HS6ST2: variants seen among roughly 807,000 people sequenced by gnomAD.
The protein encoded by HS6ST2 is heparan sulfate 6-O-sulfotransferase 2.
In HS6ST2, 17 loss-of-function variants were observed where a neutral mutation model predicts 33.0. That is an observed-to-expected ratio of 0.52 (90% CI 0.35 to 0.77). HS6ST2 has a LOEUF of 0.77. Ranked by LOEUF, HS6ST2 falls within the 30% of genes least tolerant of loss-of-function variation. The pLI is 0.01. For synonymous variants in HS6ST2, 248 were observed against 237.1 expected, an observed-to-expected ratio of 1.05 and a Z score of -0.42; for missense variants, 519 against 551.7, an observed-to-expected ratio of 0.94 and a Z score of 0.59.
At chrX:132,929,167 T>C (rs766747099) in intron 2 of HS6ST2, among the ~76,000 whole-genome samples, 2 of 111,277 alleles carry the variant, frequency 1.8e-5, no homozygotes, top group Non-Finnish European at 3.8e-5. Flanking sequence ...ATGATCTTAT[T>C]GAGCTAAAAT....
At chrX:132,896,771 C>T (rs893759491) in intron 2 of HS6ST2, among the ~76,000 whole-genome samples, 1 of 111,536 alleles carries the variant, frequency 9.0e-6, no homozygotes, top group Admixed American at 9.5e-5. Flanking sequence ...AAGAGAAGGG[C>T]AATGTTAAAA....
At chrX:132,651,050 AGC>A (rs1473589074) in intron 4 of HS6ST2, among the ~76,000 whole-genome samples, 1 of 111,733 alleles carries the variant, frequency 8.9e-6, no homozygotes, top group Non-Finnish European at 1.9e-5. Flanking sequence ...TTCAGGCGTG[AGC>A]CACCATGCCC....
At chrX:132,668,772 T>A (rs892209884) in intron 4 of HS6ST2, among the ~76,000 whole-genome samples, 4 of 111,576 alleles carry the variant, frequency 3.6e-5, no homozygotes, top group African/African-American at 1.3e-4. Flanking sequence ...AAATCAGTGC[T>A]GCTGCTGCTG....
At position 132,660,186 on chromosome X, in the gene HS6ST2, C is replaced by G. The variant is rs1422316477; in HGVS notation, c.1067+8927G>C. ...GACAGGGAATTTTGCCTGTTTTGTT[C>G]TCTGCTGTATCCCCAGAGCCTAGAG... is the stretch of plus-strand genomic sequence containing the variant. On this transcript the variant is annotated intron_variant, in intron 4 of 4. Coordinates refer to ENST00000370833, the MANE Select transcript of HS6ST2 (RefSeq NM_001394073.1). Among the ~76,000 whole-genome samples, 4 of 111,755 alleles carry G rather than the reference C, an allele frequency of 3.6e-5. No homozygotes were observed. The Admixed American group carries it at 3.8e-4, about 11-fold the overall frequency.
At chrX:132,823,654 G>A (rs897007507) in intron 2 of HS6ST2, among the ~76,000 whole-genome samples, 7 of 99,752 alleles carry the variant, frequency 7.0e-5, no homozygotes, top group East Asian at 3.2e-4. Flanking sequence ...TTGGGAGTTC[G>A]AGACCAGCCT....
At chrX:132,898,381 T>TTATATATATATATATATATA (rs10545986) in intron 2 of HS6ST2, among the ~76,000 whole-genome samples, 1 of 89,221 alleles carries the variant, frequency 1.1e-5, no homozygotes, top group Non-Finnish European at 2.2e-5. Context: ...CAACATAAGG[T>TTATATATATATATATATATA]TATATATATA....
chrX:132,671,380 A>G (rs1468183854), intron 3 of HS6ST2, among the ~76,000 whole-genome samples: 2 of 110,274 alleles, frequency 1.8e-5, no homozygotes, highest in African/African-American at 3.3e-5. Flanking sequence ...TACTGGGCTC[A>G]GAGTAGGTGG....
At chrX:132,849,589 C>G (rs971638904) in intron 2 of HS6ST2, among the ~76,000 whole-genome samples, 13 of 111,997 alleles carry the variant, frequency 1.2e-4, no homozygotes, top group African/African-American at 3.6e-4. Flanking sequence ...GGAAATGTTT[C>G]AGTGGGGCAC....
At chrX:132,670,000 T>C in intron 3 of HS6ST2, 1 of 112,551 alleles carries the variant, frequency 8.9e-6, no homozygotes, top group East Asian at 2.8e-4. Context: ...TTGAAATTAT[T>C]CCTTTACTTC....
chrX:132,812,909 G>A (rs5977759), intron 2 of HS6ST2, among the ~76,000 whole-genome samples: 39,359 of 107,394 alleles, frequency 0.37, 5,826 homozygotes, highest in African/African-American at 0.51. Flanking sequence ...ATCTTTATCC[G>A]TTATCCCCCG....
At chrX:132,936,552 A>G (rs2066824147) in intron 2 of HS6ST2, among the ~76,000 whole-genome samples, 1 of 112,371 alleles carries the variant, frequency 8.9e-6, no homozygotes, top group Non-Finnish European at 1.9e-5. Flanking sequence ...TCTCCTATGA[A>G]TATAGATACA....
intron 2 of HS6ST2, among the ~76,000 whole-genome samples, chrX:132,863,445 G>A (rs946515353): frequency 4.6e-5 from 5 of 109,482 alleles, no homozygotes; most frequent in Non-Finnish European, 7.6e-5. Flanking sequence ...TCAGCCTCCC[G>A]AGTAGCTGGG....
intron 2 of HS6ST2, among the ~76,000 whole-genome samples, chrX:132,772,465 GC>G (rs111884339): frequency 6.5e-5 from 7 of 107,840 alleles, no homozygotes; most frequent in African/African-American, 2.0e-4. Flanking sequence ...CATTTCTGAG[GC>G]AAAGTATAAG....
chrX:132,886,137 C>A (rs1392182474), intron 2 of HS6ST2, among the ~76,000 whole-genome samples: 1 of 111,772 alleles, frequency 8.9e-6, no homozygotes, highest in African/African-American at 3.2e-5. Context: ...TTCAAAAGAC[C>A]TCTTATAAAT....
At chrX:132,780,898 G>A (rs1310719151) in intron 2 of HS6ST2, among the ~76,000 whole-genome samples, 1 of 111,733 alleles carries the variant, frequency 8.9e-6, no homozygotes, top group Non-Finnish European at 1.9e-5. Flanking sequence ...AGGAGCAGGG[G>A]ATAAGGTGCC....
chrX:132,768,230 G>A (rs1400636400), intron 2 of HS6ST2, among the ~76,000 whole-genome samples: 1 of 107,870 alleles, frequency 9.3e-6, no homozygotes, highest in African/African-American at 3.4e-5. Context: ...CCAGCTACTC[G>A]GGGGCTAGGG....
intron 2 of HS6ST2, among the ~76,000 whole-genome samples, chrX:132,818,752 A>G (rs1472656375): frequency 2.7e-5 from 3 of 112,196 alleles, no homozygotes; most frequent in Non-Finnish European, 5.6e-5. Flanking sequence ...TGCCAAGAGA[A>G]ATAGGTAGGT....
intron 2 of HS6ST2, among the ~76,000 whole-genome samples, chrX:132,821,299 A>G (rs1397014384): frequency 1.1e-5 from 1 of 90,293 alleles, no homozygotes; most frequent in Non-Finnish European, 2.1e-5. Context: ...TGCAAGTTCC[A>G]CCTCCCGGGT....
chrX:132,903,980 A>G (rs1485148722), intron 2 of HS6ST2, among the ~76,000 whole-genome samples: 2 of 112,043 alleles, frequency 1.8e-5, no homozygotes, highest in Non-Finnish European at 3.8e-5. Flanking sequence ...CCATGTGGCC[A>G]TGGCCCAAAG....
Sources: gnomAD v4.1 joint callset for allele counts (sites outside exome capture counted in the v4.1 genomes callset) on GRCh38, gnomAD v4.1.1 for gene constraint, MANE v1.5 for transcripts, NCBI Gene and HGNC (gene_info 2026-07-23, HGNC 2026-07-21) for gene names.